Variants in RPN2 observed in about 807,000 individuals in gnomAD.
RPN2 encodes the protein dolichyl-diphosphooligosaccharide--protein glycosyltransferase subunit 2.
In RPN2, 29 loss-of-function variants were observed where a neutral mutation model predicts 71.4. That is an observed-to-expected ratio of 0.41 (90% confidence interval 0.30 to 0.55). The LOEUF (loss-of-function observed/expected upper bound fraction) is 0.55, where lower values mean the gene tolerates loss of function less well. Ranked by LOEUF, RPN2 falls within the 20% of genes least tolerant of loss-of-function variation. RPN2 has a pLI of 0.35. For missense variants in RPN2, 726 were observed against 774.1 expected (o/e 0.94, Z 0.74); for synonymous variants, 308 against 305.0 (o/e 1.01, Z -0.10).
chr20:37,192,811 C>T (rs924755104), intron 2 of RPN2, among the ~76,000 whole-genome samples: 3 of 152,052 alleles, frequency 2.0e-5, no homozygotes, highest in East Asian at 1.9e-4. Context: ...GAAAGGCTTT[C>T]CTGAGGAAAT....
intron 2 of RPN2, among the ~76,000 whole-genome samples, chr20:37,196,342 C>T (rs545719774): frequency 1.6e-4 from 25 of 152,314 alleles, no homozygotes; most frequent in African/African-American, 6.0e-4. Flanking sequence ...CAGTCTCCCG[C>T]CTCAAGCCTC....
At chr20:37,232,414 G>C (rs1224694103) in intron 14 of RPN2, 23 bp downstream of exon 14, 1 of 1,613,590 alleles carries the variant, frequency 6.2e-7, no homozygotes. Flanking sequence ...AATTAGCGTG[G>C]GCAGCATGCG....
intron 16 of RPN2, among the ~76,000 whole-genome samples, chr20:37,237,699 C>A (rs1175261533): frequency 6.6e-6 from 1 of 152,166 alleles, no homozygotes; most frequent in Admixed American, 6.5e-5. Flanking sequence ...TCCCTTAGCA[C>A]CAGCAGTGGC....
chr20:37,222,621 C>T (rs1356237815), intron 9 of RPN2, among the ~76,000 whole-genome samples: 3 of 152,170 alleles, frequency 2.0e-5, no homozygotes, highest in South Asian at 2.1e-4. Context: ...TTGCCCAGCC[C>T]GTTATCTCTA....
chr20:37,209,605 A>G (rs1368664338), intron 7 of RPN2, among the ~76,000 whole-genome samples: 1 of 152,106 alleles, frequency 6.6e-6, no homozygotes, highest in Non-Finnish European at 1.5e-5. Context: ...CTGGGACTAC[A>G]AGCACATGCC....
At chr20:37,223,280 C>T (rs2068003010) in intron 9 of RPN2, among the ~76,000 whole-genome samples, 1 of 152,248 alleles carries the variant, frequency 6.6e-6, no homozygotes. Context: ...GTACAGATAA[C>T]TACCATGACT....
chr20:37,193,911 G>A (rs954954592), intron 2 of RPN2, among the ~76,000 whole-genome samples: 8 of 152,176 alleles, frequency 5.3e-5, no homozygotes, highest in Non-Finnish European at 8.8e-5. Flanking sequence ...TAGGGAGGCA[G>A]GGGGTGGTGG....
intron 15 of RPN2, among the ~76,000 whole-genome samples, chr20:37,234,452 C>T (rs1359463297): frequency 6.6e-6 from 1 of 152,206 alleles, no homozygotes; most frequent in Non-Finnish European, 1.5e-5. Flanking sequence ...TATCTTTCCC[C>T]ACGCTATCGA....
At chr20:37,179,509 G>C in intron 1 of RPN2, 140 bp downstream of exon 1, 1 of 1,359,032 alleles carries the variant, frequency 7.4e-7, no homozygotes, top group Non-Finnish European at 9.5e-7. Flanking sequence ...GGGCGCTCTC[G>C]GATCGAGGGT....
At chr20:37,204,153 G>T (rs2146585517) in intron 5 of RPN2, among the ~76,000 whole-genome samples, 193 bp downstream of exon 5, 1 of 152,284 alleles carries the variant, frequency 6.6e-6, no homozygotes. Context: ...AGGTCCTCAG[G>T]ACGTGGTGAC....
chr20:37,235,937 C>T (rs1444671879), intron 15 of RPN2, among the ~76,000 whole-genome samples: 2 of 151,822 alleles, frequency 1.3e-5, no homozygotes, highest in African/African-American at 4.8e-5. Flanking sequence ...GGTGTGAGCT[C>T]CCGCACCCAG....
intron 7 of RPN2, 118 bp from the exon 8 acceptor site, chr20:37,209,929 C>G: frequency 6.5e-7 from 1 of 1,530,116 alleles, no homozygotes; most frequent in South Asian, 1.2e-5. Flanking sequence ...CAAGATTTCC[C>G]GAAGCAGGGG....
Position 37,210,034 on chromosome 20 carries a change from T to A in RPN2, c.868-13T>A, listed in dbSNP as rs1232095199. On this transcript the variant is annotated splice_polypyrimidine_tract_variant and intron_variant, in intron 7 of 16. Coordinates refer to ENST00000237530, the MANE Select transcript of RPN2 (RefSeq NM_002951.5). ...GCCTTTGTTGTAACAAATAATTTTT[T>A]ATTTATTTCCAGTTGCAAGTCACCA... is the stretch of plus-strand genomic sequence containing the variant. 6.2e-7 allele frequency: 1 copy of A among 1,613,400 alleles called. No individual in the cohort carries two copies. The highest frequency in any genetic ancestry group is 1.7e-5 in the Admixed American group (1 of 60,036).
At chr20:37,238,323 G>A in intron 16 of RPN2, 1 of 1,086,888 alleles carries the variant, frequency 9.2e-7, no homozygotes, top group Non-Finnish European at 1.4e-6. Flanking sequence ...CTCTGGTTGG[G>A]TGTTTGTCAT....
chr20:37,210,793 A>G (rs1470120961), intron 8 of RPN2, among the ~76,000 whole-genome samples: 1 of 152,028 alleles, frequency 6.6e-6, no homozygotes, highest in Admixed American at 6.5e-5. Flanking sequence ...CGGCCTCCCT[A>G]AGTGCTGAGG....
At chr20:37,216,350 T>C (rs1436522959) in intron 9 of RPN2, among the ~76,000 whole-genome samples, 1 of 152,154 alleles carries the variant, frequency 6.6e-6, no homozygotes, top group Non-Finnish European at 1.5e-5. Flanking sequence ...AAAAAATAAA[T>C]AAATAAATAA....
intron 11 of RPN2, among the ~76,000 whole-genome samples, chr20:37,226,082 C>T (rs1199440534): frequency 1.3e-5 from 2 of 152,096 alleles, no homozygotes; most frequent in Admixed American, 6.5e-5. Context: ...TCCTTCCTCC[C>T]TCCCTCCCTC....
At chr20:37,183,083 G>A (rs1079658) in intron 1 of RPN2, among the ~76,000 whole-genome samples, 124,558 of 152,146 alleles carry the variant, frequency 0.82, 51,676 homozygotes, top group Middle Eastern at 0.93. Context: ...CAGACATTAC[G>A]CTGTTAAAGT....
chr20:37,205,390 T>C (rs2067490597), intron 6 of RPN2, among the ~76,000 whole-genome samples: 2 of 152,168 alleles, frequency 1.3e-5, no homozygotes, highest in South Asian at 4.1e-4. Flanking sequence ...CGCCAAGAGT[T>C]CATTCTTTTT....
Sources: allele counts gnomAD v4.1 joint callset (sites outside exome capture counted in the v4.1 genomes callset), GRCh38; gene constraint gnomAD v4.1.1; transcripts MANE v1.5; gene names NCBI Gene and HGNC (gene_info 2026-07-23, HGNC 2026-07-21).